The following LCP2 variants were observed in gnomAD, a reference collection of about 807,000 sequenced individuals.
The protein encoded by LCP2 is 76 kDa tyrosine phosphoprotein.
A neutral mutation model predicts 74.5 loss-of-function variants in LCP2; 29 were observed. The ratio of observed to expected loss-of-function variants is 0.39; its 90% CI spans 0.29 to 0.53. LCP2 has a LOEUF of 0.53. Among genes scored for constraint, LCP2 ranks in the 20% least tolerant of loss-of-function variants. The probability of loss-of-function intolerance (pLI) is 0.72; values close to 1 mark genes in which losing one functional copy is unlikely to be tolerated. For missense variants in LCP2, 604 were observed against 634.6 expected, an observed-to-expected ratio of 0.95 and a Z score of 0.52; for synonymous variants, 228 against 229.5, an observed-to-expected ratio of 0.99 and a Z score of 0.06.
intron 2 of LCP2, among the ~76,000 whole-genome samples, chr5:170,291,902 A>G (rs1762301477): frequency 6.6e-6 from 1 of 152,238 alleles, no homozygotes; most frequent in South Asian, 2.1e-4. Flanking sequence ...AAGCTCCAGG[A>G]ATTCTACTGA....
rs569807599 is a variant in LCP2 at position 170,293,168 on chromosome 5, G to A, written c.141+142C>T. 96 of 748,374 alleles carry A rather than the reference G, an allele frequency of 1.3e-4. 1 individual carries two copies. The African/African-American group carries it at 1.6e-3, about 12-fold the overall frequency. 46.4% of individuals were successfully genotyped at this position (748,374 alleles called of 1,614,324 possible). Reference sequence around the variant, plus strand: ...GATAGGATCCTGAAAGGTAGTGAGAGAGGGGGCCCTACCAAATTTCTGGAA... The same window carrying A: ...GATAGGATCCTGAAAGGTAGTGAGAAAGGGGGCCCTACCAAATTTCTGGAA... On this transcript the variant is annotated intron_variant, in intron 2 of 20. Transcript: ENST00000046794.
chr5:170,295,218 T>C (rs1762353158), intron 1 of LCP2, among the ~76,000 whole-genome samples: 1 of 152,196 alleles, frequency 6.6e-6, no homozygotes, highest in Admixed American at 6.5e-5. Context: ...ATATGTAACA[T>C]GGTCTCTGTC....
intron 13 of LCP2, among the ~76,000 whole-genome samples, chr5:170,262,175 C>G (rs1342187910): frequency 6.6e-6 from 1 of 152,136 alleles, no homozygotes; most frequent in Non-Finnish European, 1.5e-5. Context: ...GTTAAAAATA[C>G]TAAGGCAGAG....
In LCP2 at chr5:170,248,719, G is replaced by A. The variant is rs771198621; in HGVS notation, c.1580C>T (p.Thr527Met). ...NRGSRYQCTL[T>M]HAAGYP ...TTGCTATGGGTACCCTGCAGCATGC[G>A]TTAATGTGCACTGGTATCTGGAACC... The change falls in exon 21 of 21, where the codon ACG becomes ATG. Residue 527 changes from threonine to methionine, a missense_variant. Physicochemically the swap from Thr to Met is moderately conservative, Grantham distance 81. Coordinates refer to ENST00000046794, the MANE Select transcript of LCP2 (RefSeq NM_005565.5). 1.8e-5 allele frequency: 29 copies of A among 1,611,754 alleles called. No homozygotes were observed. In the South Asian group the frequency reaches 2.6e-4, roughly 15 times the overall value.
intron 3 of LCP2, among the ~76,000 whole-genome samples, chr5:170,284,634 T>C (rs184756293): frequency 6.6e-6 from 1 of 152,284 alleles, no homozygotes; most frequent in Admixed American, 6.5e-5. Flanking sequence ...TTAGCCATTA[T>C]GTCTTCAAGT....
intron 15 of LCP2, 134 bp from the exon 16 acceptor site, chr5:170,258,300 A>T (rs897884608): frequency 1.2e-6 from 1 of 850,930 alleles, no homozygotes; most frequent in African/African-American, 1.7e-5. Context: ...AGATGTAATT[A>T]GGAAGTAGTA....
Position 170,250,735 on chromosome 5 carries a change from T to G in LCP2, c.1474A>C (p.Lys492Gln). 6.2e-7 allele frequency: 1 copy of G among 1,613,030 alleles called. No homozygotes were observed. The highest frequency in any genetic ancestry group is 8.5e-7 in the Non-Finnish European group (1 of 1,179,008). ...TCGAAATTTGAAATCCTTACCTCTT[T>G]CCCTCGGAGTCCAGTTCCCAACAAG... ...VYLLGTGLRG[K>Q]EDFLSVSDII... Residue 492 changes from lysine (K) to glutamine (Q), a missense_variant, in exon 20 of 21, where the codon AAA (lysine) becomes CAA (glutamine). By Grantham distance (53) the Lys-to-Gln change is moderately conservative. Transcript: ENST00000046794.
At chr5:170,264,487 GC>G (rs1761713211) in intron 10 of LCP2, among the ~76,000 whole-genome samples, 1 of 152,202 alleles carries the variant, frequency 6.6e-6, no homozygotes. Context: ...TACATGCCAG[GC>G]CCATGATAAG....
At chr5:170,250,981 C>A in intron 19 of LCP2, 96 bp from the exon 20 acceptor site, 1 of 947,718 alleles carries the variant, frequency 1.1e-6, no homozygotes. Context: ...ATCTGACAAA[C>A]ATGTCAGTTG....
chr5:170,288,953 C>G (rs1219254401), intron 2 of LCP2, among the ~76,000 whole-genome samples: 1 of 152,142 alleles, frequency 6.6e-6, no homozygotes, highest in African/African-American at 2.4e-5. Context: ...TCCATAGAAC[C>G]AATGATGAGC....
intron 6 of LCP2, among the ~76,000 whole-genome samples, chr5:170,272,597 CTTTTT>C (rs61463939): frequency 3.0e-4 from 12 of 40,354 alleles, no homozygotes; most frequent in East Asian, 2.5e-3. Flanking sequence ...CAAATATTTT[CTTTTT>C]TTTTTTTTTT....
intron 2 of LCP2, among the ~76,000 whole-genome samples, chr5:170,289,638 T>A (rs549076516): frequency 9.3e-6 from 1 of 107,838 alleles, no homozygotes; most frequent in Non-Finnish European, 1.9e-5. Flanking sequence ...TCTTTCTTTC[T>A]TTCTTTCTTT....
At chr5:170,289,917 C>T (rs1318340232) in intron 2 of LCP2, among the ~76,000 whole-genome samples, 1 of 151,896 alleles carries the variant, frequency 6.6e-6, no homozygotes, top group Non-Finnish European at 1.5e-5. Context: ...TGGCCACCAG[C>T]TTCTGCTCTG....
chr5:170,292,988 G>A (rs968046890), intron 2 of LCP2, among the ~76,000 whole-genome samples: 3 of 152,232 alleles, frequency 2.0e-5, no homozygotes, highest in Non-Finnish European at 2.9e-5. Context: ...GTGAGAGATT[G>A]GAGGTGAGAA....
At chr5:170,258,001 T>TA in intron 16 of LCP2, 36 bp downstream of exon 16, 1 of 1,607,646 alleles carries the variant, frequency 6.2e-7, no homozygotes, top group Non-Finnish European at 8.5e-7. Flanking sequence ...ACCTAAACAT[T>TA]ATATTAAGCT....
At chr5:170,283,323 A>C (rs1581072974) in intron 3 of LCP2, among the ~76,000 whole-genome samples, 1 of 151,870 alleles carries the variant, frequency 6.6e-6, no homozygotes, top group Non-Finnish European at 1.5e-5. Context: ...ACCATTTCCC[A>C]CCCCTACCAC....
chr5:170,286,247 T>G (rs1359800668), intron 3 of LCP2, among the ~76,000 whole-genome samples: 3 of 152,140 alleles, frequency 2.0e-5, no homozygotes, highest in African/African-American at 7.2e-5. Context: ...GCAGCAGACA[T>G]CAGATCCGGC....
At chr5:170,255,115 A>G (rs1761525752) in intron 17 of LCP2, among the ~76,000 whole-genome samples, 1 of 152,238 alleles carries the variant, frequency 6.6e-6, no homozygotes, top group African/African-American at 2.4e-5. Flanking sequence ...CAAGGAGGTA[A>G]CACAAATGTG....
chr5:170,252,699 G>A lies in LCP2; in HGVS notation c.1246-188C>T, dbSNP rs315716. The A allele has an allele frequency of 8.4e-3, 4,533 of 541,754 alleles. 178 individuals are homozygous for A. The highest frequency in any genetic ancestry group is 0.078 in the African/African-American group (4,135 of 52,870). 33.6% of individuals were successfully genotyped at this position (541,754 alleles called of 1,614,324 possible). A position where few individuals can be genotyped will look rare whatever the true frequency, so the allele number is the denominator to read the frequency against. ...AAATAGAAGATATTTTGTGCGAACT[G>A]CTTTTTATCATGACACTGGTTGCAA... On this transcript the variant is annotated intron_variant, in intron 18 of 20. Transcript: ENST00000046794.
Sources: allele counts gnomAD v4.1 joint callset (sites outside exome capture counted in the v4.1 genomes callset), GRCh38; gene constraint gnomAD v4.1.1; transcripts MANE v1.5; gene names NCBI Gene and HGNC (gene_info 2026-07-23, HGNC 2026-07-21).